Variants in DOCK4 observed in about 807,000 individuals in gnomAD.
The protein encoded by DOCK4 is dedicator of cytokinesis 4.
DOCK4 carries 97 observed loss-of-function variants against 268.1 expected under a neutral mutation model. That is an observed-to-expected ratio of 0.36 (90% CI 0.31 to 0.43). The LOEUF (loss-of-function observed/expected upper bound fraction) is 0.43, where lower values mean the gene tolerates loss of function less well. Among genes scored for constraint, DOCK4 ranks in the 20% least tolerant of loss-of-function variants. The probability of loss-of-function intolerance (pLI) is 1.00; values close to 1 mark genes in which losing one functional copy is unlikely to be tolerated. For missense variants in DOCK4, 2,145 were observed against 2,455.7 expected, an observed-to-expected ratio of 0.87 and a Z score of 2.67; for synonymous variants, 954 against 887.2, an observed-to-expected ratio of 1.08 and a Z score of -1.34.
rs1797127542 is a variant in DOCK4, at chr7:111,757,741, C to T, written c.4329+883G>A. ...GTACTGGGAACTGACACCGGCAGAGCTGACCAAGTGAGTTAACATGAGACA... is the reference window on the plus strand; with the variant it reads ...GTACTGGGAACTGACACCGGCAGAGTTGACCAAGTGAGTTAACATGAGACA... On this transcript the variant is annotated intron_variant, in intron 41 of 52. Coordinates refer to ENST00000428084, the MANE Select transcript of DOCK4 (RefSeq NM_001363540.2). Among the ~76,000 whole-genome samples the T allele has an allele frequency of 2.0e-5, 3 of 152,170 alleles. No individual in the cohort carries two copies. In the South Asian group the frequency reaches 6.2e-4, roughly 31 times the overall value.
At chr7:111,800,708 CAG>C (rs1800212470) in intron 30 of DOCK4, among the ~76,000 whole-genome samples, 1 of 152,114 alleles carries the variant, frequency 6.6e-6, no homozygotes, top group Non-Finnish European at 1.5e-5. Context: ...AAACTCCAAA[CAG>C]TGCTGCAAAC....
intron 8 of DOCK4, among the ~76,000 whole-genome samples, chr7:111,969,535 C>T (rs1231402476): frequency 2.6e-5 from 4 of 151,700 alleles, no homozygotes; most frequent in Non-Finnish European, 4.4e-5. Context: ...CTAAGTGTTT[C>T]AAATTCTCTT....
At chr7:112,194,747 TATA>T (rs1176096378) in intron 1 of DOCK4, among the ~76,000 whole-genome samples, 1 of 152,234 alleles carries the variant, frequency 6.6e-6, no homozygotes, top group African/African-American at 2.4e-5. Context: ...TCTCCTCAAT[TATA>T]ATAATTGGTT....
At chr7:112,043,140 AAGAC>A (rs1170294433) in intron 1 of DOCK4, among the ~76,000 whole-genome samples, 1 of 152,224 alleles carries the variant, frequency 6.6e-6, no homozygotes, top group African/African-American at 2.4e-5. Context: ...ACAATGAACT[AAGAC>A]AGGCAGAGAA....
chr7:112,126,690 A>T (rs1813249093), intron 1 of DOCK4, among the ~76,000 whole-genome samples: 1 of 152,180 alleles, frequency 6.6e-6, no homozygotes, highest in Non-Finnish European at 1.5e-5. Flanking sequence ...AGAATCTACA[A>T]TGAACTCAAA....
chr7:112,033,065 C>T (rs1288433442), intron 1 of DOCK4, among the ~76,000 whole-genome samples: 1 of 152,064 alleles, frequency 6.6e-6, no homozygotes, highest in Non-Finnish European at 1.5e-5. Context: ...AGCAAACAAT[C>T]TAGTAAGAGA....
rs1323226959 is a variant in DOCK4, at chr7:112,018,158, A to C, written c.38-14027T>G. 1.9e-4 allele frequency among the ~76,000 whole-genome samples: 26 copies of C among 137,968 alleles called. 1 individual carries two copies. The highest frequency in any genetic ancestry group is 8.2e-4 in the Admixed American group (11 of 13,430). The allele number at this position is 137,968 out of a possible 152,430, so 90.5% of individuals were successfully genotyped here. On this transcript the variant is annotated intron_variant, in intron 1 of 52. Transcript: ENST00000428084. Reference sequence around the variant, plus strand: ...GACTCCAGCTCAAAAAAAAAAAAAAAAAAAAAAAAAAAAAAAAAAAAACAC... The same window carrying C: ...GACTCCAGCTCAAAAAAAAAAAAAACAAAAAAAAAAAAAAAAAAAAAACAC...
In DOCK4 at chr7:111,998,463, C is replaced by T. The variant is rs1411427683; in HGVS notation, c.203G>A (p.Cys68Tyr). Residue 68 changes from cysteine (C) to tyrosine (Y), a missense_variant, in exon 4 of 53, where the codon TGT becomes TAT. Physicochemically the swap from Cys to Tyr is radical, Grantham distance 194. Coordinates refer to ENST00000428084, the MANE Select transcript of DOCK4 (RefSeq NM_001363540.2). ...CATTTCTTACCCTTTGTTCTTTACA[C>T]AGGCATTTTTCAAGTGAACGTAGCT... ...PSSYVHLKNA[C>Y]VKNKGQFEMV... 6.3e-7 allele frequency: 1 copy of T among 1,589,532 alleles called. No individual in the cohort carries two copies. The highest frequency in any genetic ancestry group is 1.1e-5 in the South Asian group (1 of 87,372).
intron 38 of DOCK4, among the ~76,000 whole-genome samples, chr7:111,766,730 G>T (rs1411372186): frequency 6.6e-6 from 1 of 152,166 alleles, no homozygotes; most frequent in Non-Finnish European, 1.5e-5. Flanking sequence ...TTATGTGTAA[G>T]TGGAAACTCT....
intron 23 of DOCK4, among the ~76,000 whole-genome samples, chr7:111,849,813 C>T (rs1804403523): frequency 6.6e-6 from 1 of 152,200 alleles, no homozygotes; most frequent in South Asian, 2.1e-4. Context: ...ATGAAGGGTG[C>T]AACACATATG....
In DOCK4 at chr7:111,728,377, G is replaced by T; in HGVS notation, c.5825C>A (p.Pro1942His). The T allele has an allele frequency of 1.3e-6, 2 of 1,541,438 alleles. No homozygotes were observed. Among genetic ancestry groups the T allele is most frequent in the Non-Finnish European group, 1.7e-6 (2 of 1,144,386 alleles). The change falls in exon 53 of 53, where the codon CCC becomes CAC. Residue 1942 changes from proline (P) to histidine (H), a missense_variant. By Grantham distance (77) the Pro-to-His change is moderately conservative (BLOSUM62 -2). Coordinates refer to ENST00000428084, the MANE Select transcript of DOCK4 (RefSeq NM_001363540.2). ...PVTSEPPALP[P>H]KPLAARSSHL... ...GCTGGATCGCGCTGCCAGAGGCTTG[G>T]GGGGCAGCGCGGGCGGCTCCGACGT...
At chr7:112,025,747 A>G (rs1802730029) in intron 1 of DOCK4, among the ~76,000 whole-genome samples, 1 of 152,104 alleles carries the variant, frequency 6.6e-6, no homozygotes, top group Non-Finnish European at 1.5e-5. Context: ...TTTATCAGCA[A>G]CACCAGATCC....
chr7:112,039,214 G>A (rs529352889), intron 1 of DOCK4, among the ~76,000 whole-genome samples: 16 of 152,066 alleles, frequency 1.1e-4, no homozygotes, highest in South Asian at 2.1e-4. Context: ...AAGTGATGTC[G>A]GAATTGTCTC....
chr7:112,066,690 C>CATATATATAT (rs751631282), intron 1 of DOCK4, among the ~76,000 whole-genome samples: 22 of 20,936 alleles, frequency 1.1e-3, no homozygotes, highest in Middle Eastern at 0.031. Flanking sequence ...TATACATATA[C>CATATATATAT]ATATATATAT....
At chr7:112,136,308 C>T (rs549242294) in intron 1 of DOCK4, among the ~76,000 whole-genome samples, 1 of 152,260 alleles carries the variant, frequency 6.6e-6, no homozygotes, top group East Asian at 1.9e-4. Flanking sequence ...TGTGGTTGAT[C>T]TCACATTTGC....
At chr7:111,869,246 A>T (rs982431262) in intron 21 of DOCK4, among the ~76,000 whole-genome samples, 1 of 152,312 alleles carries the variant, frequency 6.6e-6, no homozygotes, top group African/African-American at 2.4e-5. Flanking sequence ...TGGAAGCAAG[A>T]GCCAGGAACT....
intron 1 of DOCK4, among the ~76,000 whole-genome samples, chr7:112,078,046 G>A (rs752155976): frequency 2.0e-4 from 31 of 152,038 alleles, no homozygotes; most frequent in South Asian, 6.2e-4. Context: ...ACTAATTATT[G>A]ATAATGATGA....
intron 1 of DOCK4, among the ~76,000 whole-genome samples, chr7:112,177,373 A>G (rs1818627254): frequency 6.6e-6 from 1 of 152,252 alleles, no homozygotes; most frequent in South Asian, 2.1e-4. Flanking sequence ...AGAAGCTAAT[A>G]ATGCATTTAA....
chr7:111,958,223 AG>A (rs1157438230), intron 8 of DOCK4, among the ~76,000 whole-genome samples: 1 of 152,150 alleles, frequency 6.6e-6, no homozygotes, highest in Non-Finnish European at 1.5e-5. Flanking sequence ...GCGCACTACA[AG>A]GTGCTGAAAA....
Sources: allele counts gnomAD v4.1 joint callset (sites outside exome capture counted in the v4.1 genomes callset), GRCh38; gene constraint gnomAD v4.1.1; transcripts MANE v1.5; gene names NCBI Gene and HGNC (gene_info 2026-07-23, HGNC 2026-07-21).